The following DCC variants were observed in gnomAD, a reference collection of about 807,000 sequenced individuals.
The protein encoded by DCC is DCC netrin 1 receptor, also known as netrin receptor DCC.
Under a neutral mutation model 172.5 loss-of-function variants are expected in DCC, and 58 were observed. That is an observed-to-expected ratio of 0.34 (90% CI 0.27 to 0.42). The LOEUF (loss-of-function observed/expected upper bound fraction) is 0.42, where lower values mean the gene tolerates loss of function less well. Among genes scored for constraint, DCC ranks in the 10% least tolerant of loss-of-function variants. The pLI is 1.00. For synonymous variants in DCC, 709 were observed against 644.5 expected (o/e 1.10, Z -1.52); for missense variants, 1,740 against 1,791.0 (o/e 0.97, Z 0.51).
At chr18:53,415,180 C>CT (rs1910235671) in intron 20 of DCC, among the ~76,000 whole-genome samples, 1 of 152,242 alleles carries the variant, frequency 6.6e-6, no homozygotes, top group South Asian at 2.1e-4. Context: ...ATAATAGCGC[C>CT]ACATCTGATG....
chr18:52,843,969 A>C (rs1389578356), intron 2 of DCC, among the ~76,000 whole-genome samples: 2 of 152,178 alleles, frequency 1.3e-5, no homozygotes, highest in African/African-American at 4.8e-5. Context: ...ATGATATAGT[A>C]TGATGCTGAT....
chr18:52,520,732 T>C (rs2031786632), intron 1 of DCC, among the ~76,000 whole-genome samples: 1 of 152,144 alleles, frequency 6.6e-6, no homozygotes, highest in Non-Finnish European at 1.5e-5. Flanking sequence ...GCAATGATTT[T>C]TTTTTTAATT....
intron 2 of DCC, among the ~76,000 whole-genome samples, chr18:52,836,860 A>T (rs1368284525): frequency 1.3e-5 from 2 of 152,172 alleles, no homozygotes; most frequent in African/African-American, 2.4e-5. Context: ...TTTCCCTTCT[A>T]TACTGCCCTA....
intron 2 of DCC, among the ~76,000 whole-genome samples, chr18:52,782,944 T>C (rs2037575664): frequency 6.6e-6 from 1 of 152,044 alleles, no homozygotes; most frequent in African/African-American, 2.4e-5. Flanking sequence ...ATTTGTTATA[T>C]CATGTATACT....
intron 5 of DCC, among the ~76,000 whole-genome samples, chr18:53,021,789 A>G (rs990278776): frequency 1.3e-5 from 2 of 152,262 alleles, no homozygotes; most frequent in African/African-American, 4.8e-5. Context: ...TAAGAAAAAT[A>G]ACTTGGATGA....
chr18:52,588,280 T>C (rs1568242845), intron 1 of DCC, among the ~76,000 whole-genome samples: 1 of 152,184 alleles, frequency 6.6e-6, no homozygotes, highest in South Asian at 2.1e-4. Context: ...TCAAGCATCA[T>C]TGGATCTGCT....
chr18:53,161,077 A>C (rs1394994001), intron 8 of DCC, among the ~76,000 whole-genome samples: 1 of 152,202 alleles, frequency 6.6e-6, no homozygotes, highest in African/African-American at 2.4e-5. Flanking sequence ...CCATTGCAAC[A>C]AATTTTGCTT....
intron 5 of DCC, among the ~76,000 whole-genome samples, chr18:52,963,227 T>G (rs2040873008): frequency 6.6e-6 from 1 of 151,884 alleles, no homozygotes; most frequent in South Asian, 2.1e-4. Flanking sequence ...TTTTAAAAAT[T>G]TTTATCTAAA....
intron 1 of DCC, among the ~76,000 whole-genome samples, chr18:52,630,760 G>T (rs2144879283): frequency 6.6e-6 from 1 of 152,198 alleles, no homozygotes; most frequent in Non-Finnish European, 1.5e-5. Context: ...ATCAGAAGAT[G>T]ATGATATTGC....
intron 5 of DCC, among the ~76,000 whole-genome samples, chr18:53,016,751 A>T (rs886479942): frequency 6.6e-6 from 1 of 152,214 alleles, no homozygotes; most frequent in Non-Finnish European, 1.5e-5. Context: ...GTGTCAAGTT[A>T]TAGAAGAAAT....
At chr18:53,508,289 C>T (rs2046208186) in intron 27 of DCC, among the ~76,000 whole-genome samples, 1 of 151,560 alleles carries the variant, frequency 6.6e-6, no homozygotes, top group Non-Finnish European at 1.5e-5. Flanking sequence ...TCCTCCCTGG[C>T]AGTGGTTATC....
chr18:53,508,997 G>T (rs1202792634), intron 27 of DCC, among the ~76,000 whole-genome samples: 1 of 152,172 alleles, frequency 6.6e-6, no homozygotes, highest in Non-Finnish European at 1.5e-5. Context: ...AGATTAGGTG[G>T]TCACTACCTG....
intron 12 of DCC, among the ~76,000 whole-genome samples, chr18:53,243,886 ATCT>A (rs2056335653): frequency 6.6e-6 from 1 of 152,130 alleles, no homozygotes; most frequent in Admixed American, 6.6e-5. Context: ...CAACACACAA[ATCT>A]TCTCGTTAGC....
chr18:53,530,155 T>C, intron 28 of DCC: 1 of 605,570 alleles, frequency 1.7e-6, no homozygotes. Flanking sequence ...TGCCAGACCC[T>C]ATCATGGGTA....
rs1459735429 is a variant in DCC, at chr18:53,530,725, A to T, written c.*72A>T. 6.0e-6 allele frequency: 5 copies of T among 838,598 alleles called. No homozygotes were observed. The highest frequency in any genetic ancestry group is 1.1e-5 in the Non-Finnish European group (5 of 472,714). The allele number at this position is 838,598 out of a possible 1,614,324, so 51.9% of individuals were successfully genotyped here. On this transcript the variant is annotated 3_prime_UTR_variant, in exon 29 of 29. Coordinates refer to ENST00000442544, the MANE Select transcript of DCC (RefSeq NM_005215.4). Reference sequence around the variant, plus strand: ...CATACCAATTACCCATAAACAGCACACCTGTGTCCAAGAACTCTAACCAGT... The same window carrying T: ...CATACCAATTACCCATAAACAGCACTCCTGTGTCCAAGAACTCTAACCAGT...
At chr18:52,455,747 A>T (rs567914730) in intron 1 of DCC, among the ~76,000 whole-genome samples, 1 of 152,202 alleles carries the variant, frequency 6.6e-6, no homozygotes, top group Non-Finnish European at 1.5e-5. Flanking sequence ...TATTCCATAG[A>T]GTTTGTTATA....
chr18:53,415,322 G>A (rs762493764), intron 20 of DCC, among the ~76,000 whole-genome samples: 1 of 151,936 alleles, frequency 6.6e-6, no homozygotes, highest in Non-Finnish European at 1.5e-5. Flanking sequence ...AGTTAAATAC[G>A]CCCAAAAGAC....
chr18:53,150,632 C>T (rs2043983753), intron 7 of DCC, among the ~76,000 whole-genome samples: 1 of 152,142 alleles, frequency 6.6e-6, no homozygotes, highest in African/African-American at 2.4e-5. Context: ...GGGGCCTAAG[C>T]CAGGCTGGAG....
rs368488452 is a variant in DCC at position 52,625,407 on chromosome 18, G to C, written c.92-126647G>C. Among the ~76,000 whole-genome samples the C allele has an allele frequency of 2.0e-4, 30 of 152,152 alleles. No homozygotes were observed. The South Asian group carries it at 6.2e-3, about 32-fold the overall frequency. ...AACAACTATGAATTATCCTGTCCTT[G>C]TATTCTTTGTTTTCCTTCTGTTACA... On this transcript the variant is annotated intron_variant, in intron 1 of 28. Transcript: ENST00000442544.
Sources: allele counts gnomAD v4.1 joint callset (sites outside exome capture counted in the v4.1 genomes callset), GRCh38; gene constraint gnomAD v4.1.1; transcripts MANE v1.5; gene names NCBI Gene and HGNC (gene_info 2026-07-23, HGNC 2026-07-21).